PTPRT: variants seen among roughly 807,000 people sequenced by gnomAD.
PTPRT encodes protein tyrosine phosphatase receptor type T.
PTPRT carries 56 observed loss-of-function variants against 176.8 expected under a neutral mutation model. The observed-to-expected ratio is 0.32, with a 90% CI of 0.26 to 0.40. The LOEUF is 0.40. Among genes scored for constraint, PTPRT ranks in the 10% least tolerant of loss-of-function variants. The pLI, the probability that PTPRT is intolerant of heterozygous loss-of-function variation, is 1.00. For synonymous variants in PTPRT, 783 were observed against 739.0 expected (o/e 1.06, Z -0.96); for missense variants, 1,540 against 1,908.2 (o/e 0.81, Z 3.60).
At chr20:42,868,508 T>C (rs2078789438) in intron 2 of PTPRT, among the ~76,000 whole-genome samples, 1 of 152,134 alleles carries the variant, frequency 6.6e-6, no homozygotes, top group African/African-American at 2.4e-5. Context: ...TGACTGTTTA[T>C]AGTAAAAGTG....
chr20:43,027,473 C>T (rs1985960412), intron 1 of PTPRT, among the ~76,000 whole-genome samples: 1 of 69,022 alleles, frequency 1.4e-5, no homozygotes. Context: ...AAGACTCCAC[C>T]TCAAAAAAAA....
chr20:42,079,796 C>A lies in PTPRT; in HGVS notation c.*1083G>T. Reference sequence around the variant, plus strand: ...TTGCCCCAGAAACCAAAGGGACCATCTTCAGGCTCACCCATCTCTCCTTGC... The same window carrying A: ...TTGCCCCAGAAACCAAAGGGACCATATTCAGGCTCACCCATCTCTCCTTGC... On this transcript the variant is annotated 3_prime_UTR_variant, in exon 31 of 31. Coordinates refer to ENST00000373187, the MANE Select transcript of PTPRT (RefSeq NM_007050.6). The A allele has an allele frequency of 4.3e-6, 1 of 230,226 alleles. No homozygotes were observed. The highest frequency in any genetic ancestry group is 8.6e-6 in the Non-Finnish European group (1 of 116,128). The allele number at this position is 230,226 out of a possible 1,614,324, so 14.3% of individuals were successfully genotyped here. A position where few individuals can be genotyped will look rare whatever the true frequency, so the allele number is the denominator to read the frequency against.
At chr20:42,333,590 C>T (rs921116920) in intron 11 of PTPRT, among the ~76,000 whole-genome samples, 1 of 151,936 alleles carries the variant, frequency 6.6e-6, no homozygotes, top group Non-Finnish European at 1.5e-5. Context: ...CCTCGCCCTC[C>T]CAAAGTGCTG....
intron 17 of PTPRT, among the ~76,000 whole-genome samples, chr20:42,152,799 C>T (rs1010892902): frequency 6.6e-6 from 1 of 152,234 alleles, no homozygotes; most frequent in Non-Finnish European, 1.5e-5. Flanking sequence ...GGTGAAGAGG[C>T]AGACTGCCAG....
At chr20:42,558,819 T>C (rs5020415) in intron 7 of PTPRT, among the ~76,000 whole-genome samples, 89,195 of 151,982 alleles carry the variant, frequency 0.59, 27,366 homozygotes, top group African/African-American at 0.78. Context: ...TGCCAGCTTG[T>C]GGCTGATGCA....
At chr20:42,740,210 T>C (rs2076587917) in intron 6 of PTPRT, among the ~76,000 whole-genome samples, 1 of 152,062 alleles carries the variant, frequency 6.6e-6, no homozygotes, top group Non-Finnish European at 1.5e-5. Flanking sequence ...CCCATCAGCA[T>C]GTAGGATAAT....
At chr20:42,635,794 T>C (rs2074584105) in intron 7 of PTPRT, among the ~76,000 whole-genome samples, 1 of 152,146 alleles carries the variant, frequency 6.6e-6, no homozygotes, top group Non-Finnish European at 1.5e-5. Context: ...TAGGTCTAGT[T>C]GGTAGAACGA....
At chr20:43,026,101 T>G (rs1985898322) in intron 1 of PTPRT, among the ~76,000 whole-genome samples, 2 of 152,124 alleles carry the variant, frequency 1.3e-5, no homozygotes, top group Non-Finnish European at 2.9e-5. Flanking sequence ...GACACTATAT[T>G]TAGAGACATT....
chr20:42,537,195 A>G (rs890236347), intron 7 of PTPRT, among the ~76,000 whole-genome samples: 4 of 152,166 alleles, frequency 2.6e-5, no homozygotes, highest in South Asian at 2.1e-4. Context: ...TTGGAAGTGC[A>G]TTGGATGAAG....
At chr20:42,394,985 C>T (rs921674614) in intron 9 of PTPRT, among the ~76,000 whole-genome samples, 16 of 152,204 alleles carry the variant, frequency 1.1e-4, no homozygotes, top group African/African-American at 3.9e-4. Flanking sequence ...ATTAACTCTG[C>T]TGAAGCCCAT....
At chr20:42,585,927 CAT>C (rs2073463561) in intron 7 of PTPRT, among the ~76,000 whole-genome samples, 1 of 152,136 alleles carries the variant, frequency 6.6e-6, no homozygotes, top group Middle Eastern at 3.4e-3. Context: ...TATGAATAGA[CAT>C]ATGTATACAT....
At chr20:42,568,985 T>C (rs1272669363) in intron 7 of PTPRT, among the ~76,000 whole-genome samples, 1 of 129,300 alleles carries the variant, frequency 7.7e-6, no homozygotes. Flanking sequence ...GAGGTGGAGG[T>C]TGCAGTGAGC....
At chr20:42,894,141 G>T (rs139039881) in intron 1 of PTPRT, among the ~76,000 whole-genome samples, 2 of 152,094 alleles carry the variant, frequency 1.3e-5, no homozygotes, top group Admixed American at 1.3e-4. Context: ...CTAAGGAAGC[G>T]CCATAAGGCC....
intron 9 of PTPRT, among the ~76,000 whole-genome samples, chr20:42,444,712 A>G (rs541437782): frequency 6.6e-6 from 1 of 152,152 alleles, no homozygotes. Flanking sequence ...TTTCTTTGTA[A>G]TAAAATATTC....
At chr20:42,142,076 G>T (rs1988655978) in intron 17 of PTPRT, 74 bp from the exon 18 acceptor site, 3 of 1,286,892 alleles carry the variant, frequency 2.3e-6, no homozygotes, top group Admixed American at 1.7e-5. Context: ...AACCAACAGG[G>T]CAAAGTAAGA....
chr20:43,058,983 G>C (rs1015218069), intron 1 of PTPRT, among the ~76,000 whole-genome samples: 8 of 152,142 alleles, frequency 5.3e-5, no homozygotes, highest in East Asian at 1.9e-4. Context: ...TCTTCAATGT[G>C]AGGTGGCGCC....
At position 42,084,742 on chromosome 20, in the gene PTPRT, C is replaced by A. The variant is rs770379585; in HGVS notation, c.4076G>T (p.Arg1359Leu). The A allele has an allele frequency of 6.4e-7, 1 of 1,568,402 alleles. No homozygotes were observed. Residue 1359 changes from arginine to leucine, a missense_variant, in exon 29 of 31, where the codon CGA (arginine) becomes CTA (leucine). Arg to Leu is a moderately radical substitution (Grantham distance 102). Around this residue, in one of 11 missense-constraint regions of PTPRT, gnomAD observed 342 missense variants for 394.0 expected, o/e 0.87. Coordinates refer to ENST00000373187, the MANE Select transcript of PTPRT (RefSeq NM_007050.6). ...SKRSLLKVVRRLEKWQEQYDG... is the reference protein window; with the variant it reads ...SKRSLLKVVRLLEKWQEQYDG... ...ATACTGCTCCTGCCACTTCTCCAGT[C>A]GTCGGACCACTTTGAGCAGAGAGCG... is the stretch of plus-strand genomic sequence containing the variant.
downstream of PTPRT, among the ~76,000 whole-genome samples, chr20:42,069,677 A>G (rs1356998831): frequency 6.6e-6 from 1 of 152,146 alleles, no homozygotes; most frequent in Non-Finnish European, 1.5e-5. Context: ...TAATATACTG[A>G]TGTTGTTTTT....
At chr20:43,171,279 G>GA (rs2146460574) in intron 1 of PTPRT, among the ~76,000 whole-genome samples, 1 of 152,284 alleles carries the variant, frequency 6.6e-6, no homozygotes, top group South Asian at 2.1e-4. Flanking sequence ...TAAAATTGCT[G>GA]AAAGTATCCT....
Sources: allele counts gnomAD v4.1 joint callset (sites outside exome capture counted in the v4.1 genomes callset), GRCh38; gene constraint gnomAD v4.1.1; regional missense constraint gnomAD v4.1.1; transcripts MANE v1.5; gene names NCBI Gene and HGNC (gene_info 2026-07-23, HGNC 2026-07-21).